Variants in TFCP2 observed in about 807,000 individuals in gnomAD.
TFCP2 encodes the protein alpha-globin transcription factor CP2.
Under a neutral mutation model 73.4 loss-of-function variants are expected in TFCP2, and 33 were observed. The observed-to-expected ratio is 0.45, with a 90% CI of 0.34 to 0.60. The LOEUF (loss-of-function observed/expected upper bound fraction) is 0.60. Ranked by LOEUF, TFCP2 falls within the 20% of genes least tolerant of loss-of-function variation. TFCP2 has a pLI of 0.01. For synonymous variants in TFCP2, 193 were observed against 211.6 expected (o/e 0.91, Z 0.76); for missense variants, 352 against 604.0 (o/e 0.58, Z 4.37).
At chr12:51,101,128 C>T (rs1038168815) in intron 11 of TFCP2, among the ~76,000 whole-genome samples, 4 of 151,952 alleles carry the variant, frequency 2.6e-5, no homozygotes, top group Non-Finnish European at 5.9e-5. Flanking sequence ...ACGGTGAAAC[C>T]CTGTCTCTAC....
chr12:51,126,723 T>G (rs7303962), intron 1 of TFCP2, among the ~76,000 whole-genome samples: 3,989 of 152,212 alleles, frequency 0.026, 179 homozygotes, highest in African/African-American at 0.092. Flanking sequence ...TAGCCTCCAC[T>G]AAATAAGAAT....
chr12:51,103,470 G>A (rs572595391), intron 10 of TFCP2, among the ~76,000 whole-genome samples, 200 bp downstream of exon 10: 1 of 152,272 alleles, frequency 6.6e-6, no homozygotes, highest in South Asian at 2.1e-4. Flanking sequence ...ACTAAAAAGT[G>A]TTTGTTTTTA....
intron 3 of TFCP2, 95 bp downstream of exon 3, chr12:51,117,576 T>C (rs1408095750): frequency 3.1e-6 from 3 of 955,166 alleles, no homozygotes; most frequent in Non-Finnish European, 4.8e-6. Flanking sequence ...ATTAAGCCAT[T>C]GGAAGCAAAA....
intron 1 of TFCP2, among the ~76,000 whole-genome samples, chr12:51,151,753 G>C (rs1592832072): frequency 6.6e-6 from 1 of 152,114 alleles, no homozygotes; most frequent in Admixed American, 6.6e-5. Context: ...AATTTTAAAA[G>C]GCTTCTCTGA....
chr12:51,152,911 CTT>C lies in TFCP2; in HGVS notation c.122+19388_122+19389del, dbSNP rs539482908. On this transcript the variant is annotated intron_variant, in intron 1 of 14. Coordinates refer to ENST00000257915, the MANE Select transcript of TFCP2 (RefSeq NM_005653.5). ...ATCACCATCATCCATCTCCAGAACT[CTT>C]TTCATCTTGCAAGGCTGAAACTCTT... 5.3e-3 allele frequency among the ~76,000 whole-genome samples: 810 copies of C among 152,326 alleles called. 6 individuals are homozygous for C. Among genetic ancestry groups the C allele is most frequent in the Non-Finnish European group, 9.4e-3 (639 of 68,034 alleles).
At chr12:51,124,582 C>CCT (rs1940755588) in intron 1 of TFCP2, 1 of 498,280 alleles carries the variant, frequency 2.0e-6, no homozygotes, top group Non-Finnish European at 3.9e-6. Flanking sequence ...CAGGGTGGGC[C>CCT]CTCATGGGGC....
chr12:51,170,607 G>T (rs891238913), intron 1 of TFCP2, among the ~76,000 whole-genome samples: 3 of 151,848 alleles, frequency 2.0e-5, no homozygotes, highest in African/African-American at 7.3e-5. Flanking sequence ...TTACAGGCAT[G>T]ATTATTATTT....
intron 14 of TFCP2, 105 bp downstream of exon 14, chr12:51,095,884 C>G (rs1939954287): frequency 1.3e-6 from 1 of 772,148 alleles, no homozygotes; most frequent in Non-Finnish European, 2.0e-6. Flanking sequence ...TTTCTTTACC[C>G]AAATATGGTT....
chr12:51,098,993 G>A, intron 12 of TFCP2, 75 bp from the exon 13 acceptor site: 2 of 1,501,968 alleles, frequency 1.3e-6, no homozygotes, highest in South Asian at 1.2e-5. Context: ...CACTAGGAAT[G>A]CCCACTTTTC....
At chr12:51,110,572 C>G (rs982137642) in intron 5 of TFCP2, among the ~76,000 whole-genome samples, 7 of 151,848 alleles carry the variant, frequency 4.6e-5, no homozygotes, top group African/African-American at 1.4e-4. Flanking sequence ...CTGTCCCCCC[C>G]CAAAAAAATT....
At chr12:51,109,062 T>C (rs1327812681) in intron 6 of TFCP2, 59 bp downstream of exon 6, 7 of 1,565,456 alleles carry the variant, frequency 4.5e-6, no homozygotes, top group Non-Finnish European at 6.1e-6. Context: ...TGGTAACTAA[T>C]GTTAAAATAG....
intron 14 of TFCP2, 26 bp downstream of exon 14, chr12:51,095,963 G>A (rs753431789): frequency 2.5e-6 from 4 of 1,604,620 alleles, no homozygotes; most frequent in Non-Finnish European, 2.6e-6. Flanking sequence ...AAACTGCTTA[G>A]AGAAAGATGT....
intron 1 of TFCP2, among the ~76,000 whole-genome samples, chr12:51,151,689 G>A (rs1941430645): frequency 6.6e-6 from 1 of 152,150 alleles, no homozygotes; most frequent in African/African-American, 2.4e-5. Flanking sequence ...GCCCGCCTCG[G>A]CCTCCCAAAG....
At chr12:51,172,143 CACTA>C (rs1258662990) in intron 1 of TFCP2, among the ~76,000 whole-genome samples, 154 bp downstream of exon 1, 2 of 152,234 alleles carry the variant, frequency 1.3e-5, no homozygotes, top group East Asian at 3.8e-4. Flanking sequence ...TCTTCCACAA[CACTA>C]ACTACTCAAA....
intron 14 of TFCP2, 107 bp downstream of exon 14, chr12:51,095,882 C>A: frequency 1.5e-6 from 1 of 663,934 alleles, no homozygotes; most frequent in Non-Finnish European, 2.4e-6. Context: ...ACTTTCTTTA[C>A]CCAAATATGG....
chr12:51,104,296 A>C (rs764629095), intron 8 of TFCP2, 93 bp from the exon 9 acceptor site: 89 of 1,094,918 alleles, frequency 8.1e-5, no homozygotes, highest in Non-Finnish European at 1.1e-4. Flanking sequence ...CTCATGCTAG[A>C]GATTAAAAAA....
intron 1 of TFCP2, chr12:51,125,174 A>T: frequency 1.4e-6 from 1 of 703,690 alleles, no homozygotes; most frequent in Non-Finnish European, 2.7e-6. Flanking sequence ...CTTTGCTACC[A>T]GTGATGATTG....
chr12:51,133,077 T>C (rs1940984615), intron 1 of TFCP2, among the ~76,000 whole-genome samples: 1 of 151,610 alleles, frequency 6.6e-6, no homozygotes, highest in Non-Finnish European at 1.5e-5. Flanking sequence ...CAAAACTTAA[T>C]AGTAATGGTG....
At chr12:51,147,456 A>C (rs374870332) in intron 1 of TFCP2, among the ~76,000 whole-genome samples, 262 of 152,248 alleles carry the variant, frequency 1.7e-3, no homozygotes, top group African/African-American at 5.9e-3. Flanking sequence ...AGGCATAGTG[A>C]GAGTCGACTA....
Sources: gnomAD v4.1 joint callset for allele counts (sites outside exome capture counted in the v4.1 genomes callset) on GRCh38, gnomAD v4.1.1 for gene constraint, MANE v1.5 for transcripts, NCBI Gene and HGNC (gene_info 2026-07-23, HGNC 2026-07-21) for gene names.